The following DST variants were observed in gnomAD, a reference collection of about 807,000 sequenced individuals.
The protein encoded by DST is dystonin.
A neutral mutation model predicts 875.2 loss-of-function variants in DST; 253 were observed. That is an observed-to-expected ratio of 0.29 (90% CI 0.26 to 0.32). The LOEUF (loss-of-function observed/expected upper bound fraction) is 0.32, where lower values mean the gene tolerates loss of function less well. Ranked by LOEUF, DST falls within the 10% of genes least tolerant of loss-of-function variation. DST has a pLI of 1.00. For missense variants in DST, 8,287 were observed against 9,111.6 expected, an observed-to-expected ratio of 0.91 and a Z score of 3.68; for synonymous variants, 3,124 against 3,197.1, an observed-to-expected ratio of 0.98 and a Z score of 0.77.
chr6:56,788,426 C>T (rs1025555141), intron 4 of DST, among the ~76,000 whole-genome samples: 3 of 151,998 alleles, frequency 2.0e-5, no homozygotes, highest in African/African-American at 7.2e-5. Context: ...AAGTGATCTG[C>T]CCACCTTGGC....
intron 63 of DST, 56 bp downstream of exon 63, chr6:56,535,066 T>C: frequency 6.3e-7 from 1 of 1,588,186 alleles, no homozygotes; most frequent in Non-Finnish European, 8.6e-7. Context: ...TTTGCATTTT[T>C]TCTCTTGTTA....
rs373875682 is a variant in DST at position 56,555,823 on chromosome 6, G to A, written c.14658C>T (p.Phe4886=). 3.4e-5 allele frequency: 51 copies of A among 1,491,504 alleles called. No homozygotes were observed. The highest frequency in any genetic ancestry group is 1.4e-4 in the East Asian group (6 of 43,504). 92.4% of individuals were successfully genotyped at this position (1,491,504 alleles called of 1,614,324 possible). ...GTTCATATTGAGGTTTCCGAGTGGC[G>A]AATTCTTGCAGCAAAATCTAAGGTA... is the stretch of plus-strand genomic sequence containing the variant. The part of the protein sequence containing the change: ...RQQVQILLQE[F]ATRKPQYEQL... The change falls in exon 60 of 104, where the codon TTC becomes TTT. Residue 4886 remains phenylalanine, a synonymous_variant. Coordinates refer to ENST00000680361, the MANE Select transcript of DST (RefSeq NM_001374736.1).
At chr6:56,727,982 T>C (rs1289114837) in intron 5 of DST, among the ~76,000 whole-genome samples, 2 of 152,184 alleles carry the variant, frequency 1.3e-5, no homozygotes, top group African/African-American at 4.8e-5. Context: ...TTAAATCAGA[T>C]AATGTATGTA....
chr6:56,490,800 G>A (rs1018237088), intron 85 of DST, among the ~76,000 whole-genome samples: 5 of 152,124 alleles, frequency 3.3e-5, no homozygotes, highest in African/African-American at 9.7e-5. Context: ...TGATACAAAC[G>A]CACAAGTTCT....
chr6:56,595,879 G>A (rs1305994487), intron 47 of DST, among the ~76,000 whole-genome samples: 1 of 151,108 alleles, frequency 6.6e-6, no homozygotes, highest in Non-Finnish European at 1.5e-5. Flanking sequence ...TCCTACAGAT[G>A]AGGACTCTTA....
chr6:56,577,841 C>T (rs1048205889), intron 50 of DST, among the ~76,000 whole-genome samples: 8 of 152,144 alleles, frequency 5.3e-5, no homozygotes, highest in Non-Finnish European at 1.2e-4. Context: ...ATCCACTGCA[C>T]ATTTGGTATA....
At chr6:56,935,208 G>A (rs760553956) in intron 2 of DST, among the ~76,000 whole-genome samples, 5 of 152,166 alleles carry the variant, frequency 3.3e-5, no homozygotes, top group Non-Finnish European at 7.3e-5. Flanking sequence ...AACAGCTGAT[G>A]ATTCAGACAT....
chr6:56,554,073 CTTTTTTTTTT>C (rs555704557), intron 60 of DST, among the ~76,000 whole-genome samples: 19 of 80,820 alleles, frequency 2.4e-4, no homozygotes, highest in East Asian at 9.0e-4. Flanking sequence ...GCGTCTATGA[CTTTTTTTTTT>C]TTTTTTTTTT....
intron 46 of DST, 84 bp from the exon 47 acceptor site, chr6:56,598,090 C>T (rs1234473584): frequency 6.9e-6 from 9 of 1,295,118 alleles, no homozygotes; most frequent in Non-Finnish European, 2.0e-6. Context: ...ATACTTAGAA[C>T]ATTTTAAATT....
rs1438133277 is a variant in DST at position 56,552,123 on chromosome 6, T to G, written c.16608+61A>C. On this transcript the variant is annotated intron_variant, in intron 61 of 103. Coordinates refer to ENST00000680361, the MANE Select transcript of DST (RefSeq NM_001374736.1). ...TCTACAAAATAGGCAATCTCCTTTC[T>G]AAGCAAATTAGAAACTTCATTGACA... The G allele has an allele frequency of 2.0e-6, 3 of 1,506,326 alleles. No individual in the cohort carries two copies. In the African/African-American group the frequency reaches 4.2e-5, roughly 21 times the overall value. 93.3% of individuals were successfully genotyped at this position (1,506,326 alleles called of 1,614,324 possible). A position where few individuals can be genotyped will look rare whatever the true frequency, so the allele number is the denominator to read the frequency against.
In DST at chr6:56,501,584, T is replaced by C. The variant is rs1365744078; in HGVS notation, c.19676A>G (p.Gln6559Arg). 1.2e-6 allele frequency: 2 copies of C among 1,609,516 alleles called. No individual in the cohort carries two copies. Among genetic ancestry groups the C allele is most frequent in the Non-Finnish European group, 1.7e-6 (2 of 1,177,824 alleles). Residue 6559 changes from glutamine (Q) to arginine (R), a missense_variant, in exon 79 of 104, where the codon CAA (glutamine) becomes CGA (arginine). Physicochemically the swap from Gln to Arg is conservative, Grantham distance 43 (BLOSUM62 1). Coordinates refer to ENST00000680361, the MANE Select transcript of DST (RefSeq NM_001374736.1). ...VTEESDKHTV[Q>R]DPLMELKLIW... ...CAATTTCAGTTCCATTAATGGGTCT[T>C]GAACAGTGTGTTTGTCACTCTCTTC...
rs760144432 is a variant in DST, at chr6:56,954,520, A to G, written c.68T>C (p.Leu23Ser). 2.2e-6 allele frequency: 3 copies of G among 1,367,422 alleles called. No individual in the cohort carries two copies. In the African/African-American group the frequency reaches 4.4e-5, roughly 20 times the overall value. 84.7% of individuals were successfully genotyped at this position (1,367,422 alleles called of 1,614,324 possible). A position where few individuals can be genotyped will look rare whatever the true frequency, so the allele number is the denominator to read the frequency against. The change falls in exon 1 of 104, where the codon TTG (leucine) becomes TCG (serine). Residue 23 changes from leucine to serine, a missense_variant. This residue lies in a region of DST where 1,160 missense variants were observed against 1,424.3 expected (regional missense o/e 0.81). Coordinates refer to ENST00000680361, the MANE Select transcript of DST (RefSeq NM_001374736.1). ...GGTGGCGATGGTGCCCAGCAGAAGC[A>G]ACAAGAGGAAGAGGGCACATTGGAT... ...YSIQCALFLL[L>S]LLLGTIATIV...
Position 56,618,123 on chromosome 6 carries a change from C to T in DST, c.4930-3639G>A, listed in dbSNP as rs369745616. Reference sequence around the variant, plus strand: ...AGTCTTGTAATGGGGTTTGTCTCATCAAAAGTTATCTGTAACTCGGTGCTT... The same window carrying T: ...AGTCTTGTAATGGGGTTTGTCTCATTAAAAGTTATCTGTAACTCGGTGCTT... On this transcript the variant is annotated intron_variant, in intron 36 of 103. Coordinates refer to ENST00000680361, the MANE Select transcript of DST (RefSeq NM_001374736.1). 1 of 1,614,114 alleles carries T rather than the reference C, an allele frequency of 6.2e-7. No homozygotes were observed. Among genetic ancestry groups the T allele is most frequent in the Non-Finnish European group, 8.5e-7 (1 of 1,180,022 alleles).
At chr6:56,815,741 T>C (rs1197539112) in intron 4 of DST, among the ~76,000 whole-genome samples, 4 of 152,214 alleles carry the variant, frequency 2.6e-5, no homozygotes, top group Non-Finnish European at 5.9e-5. Flanking sequence ...TATAAAATAT[T>C]GTAAACATCT....
At position 56,640,381 on chromosome 6, in the gene DST, G is replaced by A. The variant is rs1337184045; in HGVS notation, c.2252C>T (p.Ser751Leu). 1 of 1,614,150 alleles carries A rather than the reference G, an allele frequency of 6.2e-7. No individual in the cohort carries two copies. ...LTSSSMTSGL[S>L]SGMTSRLTPS... ...AGTCAGGCGGGAAGTCATCCCTGAT[G>A]ACAGGCCAGAAGTCATACTAGAAGA... is the stretch of plus-strand genomic sequence containing the variant. The change falls in exon 18 of 104, where the codon TCA (serine) becomes TTA (leucine). Residue 751 changes from serine (S) to leucine (L), a missense_variant. This residue lies in a region of DST where 1,160 missense variants were observed against 1,424.3 expected (regional missense o/e 0.81). Transcript: ENST00000680361.
intron 17 of DST, among the ~76,000 whole-genome samples, chr6:56,640,932 G>A (rs115201502): frequency 6.6e-6 from 1 of 151,828 alleles, no homozygotes; most frequent in Non-Finnish European, 1.5e-5. Flanking sequence ...TGTACTATGA[G>A]GACTTTCAAT....
chr6:56,906,815 C>G (rs1796627875), intron 2 of DST, among the ~76,000 whole-genome samples: 1 of 152,146 alleles, frequency 6.6e-6, no homozygotes, highest in Non-Finnish European at 1.5e-5. Flanking sequence ...GACAACGAAC[C>G]CCGGGTATTT....
intron 103 of DST, 125 bp downstream of exon 103, chr6:56,460,006 A>G (rs2094246549): frequency 2.5e-6 from 3 of 1,185,592 alleles, no homozygotes; most frequent in Non-Finnish European, 2.3e-6. Flanking sequence ...CTGGGGCTAC[A>G]TATCATTTTA....
At chr6:56,555,115 C>A (rs2097389672) in intron 60 of DST, among the ~76,000 whole-genome samples, 1 of 152,104 alleles carries the variant, frequency 6.6e-6, no homozygotes, top group South Asian at 2.1e-4. Flanking sequence ...AATAGGCCTT[C>A]AGGAAGCCAA....
Sources: allele counts gnomAD v4.1 joint callset (sites outside exome capture counted in the v4.1 genomes callset), GRCh38; gene constraint gnomAD v4.1.1; regional missense constraint gnomAD v4.1.1; transcripts MANE v1.5; gene names NCBI Gene and HGNC (gene_info 2026-07-23, HGNC 2026-07-21).